MDH1B: variants seen among roughly 807,000 people sequenced by gnomAD.
MDH1B encodes the protein malate dehydrogenase 1B.
Under a neutral mutation model 61.4 loss-of-function variants are expected in MDH1B, and 60 were observed. That is an observed-to-expected ratio of 0.98 (90% CI 0.79 to 1.21). The LOEUF is 1.21. MDH1B is among the 50% of genes most tolerant of loss of function. MDH1B has a pLI of 0.00. For synonymous variants in MDH1B, 236 were observed against 218.7 expected (o/e 1.08, Z -0.70); for missense variants, 587 against 632.1 (o/e 0.93, Z 0.76).
At chr2:206,760,396 G>A (rs1055755891) in intron 2 of MDH1B, among the ~76,000 whole-genome samples, 1 of 152,176 alleles carries the variant, frequency 6.6e-6, no homozygotes, top group Non-Finnish European at 1.5e-5. Context: ...AGAGTTCACT[G>A]TGGGATCCGC....
chr2:206,758,234 C>T (rs1009184619), intron 2 of MDH1B, among the ~76,000 whole-genome samples: 1 of 152,182 alleles, frequency 6.6e-6, no homozygotes, highest in Non-Finnish European at 1.5e-5. Flanking sequence ...GCAGGAGCTG[C>T]AAGGGCATGT....
At chr2:206,756,648 A>C in intron 4 of MDH1B, 1 of 448,016 alleles carries the variant, frequency 2.2e-6, no homozygotes, top group East Asian at 4.1e-5. Context: ...GCCATGCTAT[A>C]GAGTTGTTTT....
chr2:206,763,337 C>A (rs531255051), intron 1 of MDH1B, among the ~76,000 whole-genome samples: 1 of 151,714 alleles, frequency 6.6e-6, no homozygotes, highest in African/African-American at 2.4e-5. Flanking sequence ...ATCTGCCCTC[C>A]TCCAGTCAAT....
chr2:206,742,178 T>C (rs1687850554), intron 9 of MDH1B, among the ~76,000 whole-genome samples: 1 of 152,202 alleles, frequency 6.6e-6, no homozygotes, highest in Non-Finnish European at 1.5e-5. Context: ...GTGAGTCTTA[T>C]CTCCTGTAGA....
chr2:206,750,390 GTAACT>G (rs1688367187), intron 6 of MDH1B, among the ~76,000 whole-genome samples: 1 of 142,772 alleles, frequency 7.0e-6, no homozygotes, highest in Non-Finnish European at 1.5e-5. Flanking sequence ...TAGCCTCTCT[GTAACT>G]CAGTTTTTCA....
chr2:206,750,621 CCT>C (rs1388532254), intron 6 of MDH1B, among the ~76,000 whole-genome samples: 7 of 151,900 alleles, frequency 4.6e-5, no homozygotes, highest in African/African-American at 1.7e-4. Context: ...TTAATTTCAA[CCT>C]GGATAGATAG....
intron 4 of MDH1B, 158 bp downstream of exon 4, chr2:206,756,738 CAG>C: frequency 3.0e-6 from 2 of 660,044 alleles, no homozygotes; most frequent in Admixed American, 3.0e-5. Context: ...CACACACACA[CAG>C]AGATGCATAT....
chr2:206,762,981 T>C (rs575901060), intron 1 of MDH1B, among the ~76,000 whole-genome samples: 1 of 152,222 alleles, frequency 6.6e-6, no homozygotes, highest in East Asian at 1.9e-4. Flanking sequence ...ACTTACATAT[T>C]CTTTTTGGCC....
intron 9 of MDH1B, 95 bp from the exon 10 acceptor site, chr2:206,741,199 T>G: frequency 2.0e-6 from 3 of 1,520,170 alleles, no homozygotes; most frequent in Non-Finnish European, 2.7e-6. Context: ...TTTTCAAACT[T>G]CAGTGACTAT....
rs749131844 is a variant in MDH1B at position 206,749,009 on chromosome 2, C to T, written c.1216+11G>A. 5 of 1,610,388 alleles carry T rather than the reference C, an allele frequency of 3.1e-6. No homozygotes were observed. The highest frequency in any genetic ancestry group is 4.2e-6 in the Non-Finnish European group (5 of 1,178,366). On this transcript the variant is annotated intron_variant, in intron 7 of 11. Coordinates refer to ENST00000374412, the MANE Select transcript of MDH1B (RefSeq NM_001039845.3). ...TTAAGATTTTACAAGATATGAAAAA[C>T]CCAGATTTACCTTCACTCAATATTC...
intron 2 of MDH1B, 137 bp from the exon 3 acceptor site, chr2:206,757,508 C>A: frequency 1.6e-6 from 1 of 627,986 alleles, no homozygotes; most frequent in African/African-American, 1.9e-5. Flanking sequence ...TAGATATCTT[C>A]AAAGAGTAAA....
At position 206,738,006 on chromosome 2, in the gene MDH1B, T is replaced by C. The variant is rs1273317130; in HGVS notation, c.*477A>G. ...ACACCAACTTACTCACTGGTCTCAG[T>C]TCAATTTTTTTTTGAGAGACAGAGA... On this transcript the variant is annotated 3_prime_UTR_variant, in exon 12 of 12. Coordinates refer to ENST00000374412, the MANE Select transcript of MDH1B (RefSeq NM_001039845.3). The C allele has an allele frequency of 1.3e-5, 2 of 153,036 alleles. No homozygotes were observed. The highest frequency in any genetic ancestry group is 1.3e-4 in the Admixed American group (2 of 15,390). 9.5% of individuals were successfully genotyped at this position (153,036 alleles called of 1,614,324 possible).
At position 206,755,409 on chromosome 2, in the gene MDH1B, G is replaced by C; in HGVS notation, c.510C>G (p.Asn170Lys). The C allele has an allele frequency of 6.2e-7, 1 of 1,614,214 alleles. No individual in the cohort carries two copies. Among genetic ancestry groups the C allele is most frequent in the Non-Finnish European group, 8.5e-7 (1 of 1,180,042 alleles). The change falls in exon 5 of 12, where the codon AAC becomes AAG. Residue 170 changes from asparagine (N) to lysine (K), a missense_variant. Physicochemically the swap from Asn to Lys is moderately conservative, Grantham distance 94. Transcript: ENST00000374412. ...TTTTGAGATGTTCTTCCGCCTGCTT[G>C]TTGTCAAATAGAGTTATGCTAATTT... The part of the protein sequence containing the change: ...HTEISITLFD[N>K]KQAEEHLKSL...
At chr2:206,760,835 A>C in intron 2 of MDH1B, 66 bp downstream of exon 2, 1 of 889,854 alleles carries the variant, frequency 1.1e-6, no homozygotes, top group African/African-American at 1.6e-5. Flanking sequence ...ACACCAGTTA[A>C]TATTTAATCA....
chr2:206,739,627 G>A lies in MDH1B; in HGVS notation c.1494C>T (p.Thr498=), dbSNP rs1408252268. 1.9e-6 allele frequency: 3 copies of A among 1,614,042 alleles called. No homozygotes were observed. Among genetic ancestry groups the A allele is most frequent in the Non-Finnish European group, 2.5e-6 (3 of 1,179,956 alleles). The change falls in exon 11 of 12, where the codon ACC becomes ACT. Residue 498 remains threonine (T), a synonymous_variant. Coordinates refer to ENST00000374412, the MANE Select transcript of MDH1B (RefSeq NM_001039845.3). ...AEFPNQIPQT[T]FEKPQSLEFL... is the part of the protein sequence containing the mutation. The stretch of plus-strand genomic sequence containing the variant: ...ACTCAAGACTCTGTGGCTTTTCAAA[G>A]GTGGTTTGAGGAATCTGATTTGGAA...
chr2:206,760,144 C>T (rs971779060), intron 2 of MDH1B, among the ~76,000 whole-genome samples: 2 of 152,178 alleles, frequency 1.3e-5, no homozygotes, highest in Non-Finnish European at 2.9e-5. Context: ...CTGTCATGTA[C>T]ACTCCAGGTT....
intron 9 of MDH1B, among the ~76,000 whole-genome samples, chr2:206,742,554 G>A (rs946672250): frequency 6.6e-6 from 1 of 151,964 alleles, no homozygotes; most frequent in Admixed American, 6.6e-5. Context: ...CAGTTGCCAG[G>A]GAAAATGTTG....
rs59584383 is a variant in MDH1B at position 206,742,711 on chromosome 2, A to ATTT, written c.1409-1610_1409-1608dup. ...TCAAAAAGAGCTGCTTGATGTCTCT[A>ATTT]TTTTTTTTTTTTTTTTTTTTTTTGA... is the stretch of plus-strand genomic sequence containing the variant. On this transcript the variant is annotated intron_variant, in intron 9 of 11. Coordinates refer to ENST00000374412, the MANE Select transcript of MDH1B (RefSeq NM_001039845.3). 3.6e-4 allele frequency among the ~76,000 whole-genome samples: 35 copies of ATTT among 97,210 alleles called. 1 individual carries two copies. The highest frequency in any genetic ancestry group is 5.2e-4 in the Non-Finnish European group (26 of 50,398). The allele number at this position is 97,210 out of a possible 152,430, so 63.8% of individuals were successfully genotyped here.
At chr2:206,756,169 A>C (rs930177461) in intron 4 of MDH1B, among the ~76,000 whole-genome samples, 3 of 152,178 alleles carry the variant, frequency 2.0e-5, no homozygotes, top group African/African-American at 7.2e-5. Context: ...ATCTGTACCG[A>C]TTTAATCCTT....
Sources: gnomAD v4.1 joint callset for allele counts (sites outside exome capture counted in the v4.1 genomes callset) on GRCh38, gnomAD v4.1.1 for gene constraint, MANE v1.5 for transcripts, NCBI Gene and HGNC (gene_info 2026-07-23, HGNC 2026-07-21) for gene names.